B4GALNT2: variants seen among roughly 807,000 people sequenced by gnomAD.
B4GALNT2 encodes N-acetylneuraminylgalactosylglucosyl-glucoside beta-1,4-N- acetylgalactosaminyltransferase 2.
Under a neutral mutation model 51.1 loss-of-function variants are expected in B4GALNT2, and 42 were observed. The ratio of observed to expected loss-of-function variants is 0.82; its 90% CI spans 0.64 to 1.06. The LOEUF (loss-of-function observed/expected upper bound fraction) is 1.06, where lower values mean the gene tolerates loss of function less well. Ranked by LOEUF, B4GALNT2 falls within the 50% of genes least tolerant of loss-of-function variation. B4GALNT2 has a pLI of 0.00. For missense variants in B4GALNT2, 602 were observed against 633.6 expected (o/e 0.95, Z 0.54); for synonymous variants, 253 against 251.7 (o/e 1.01, Z -0.05).
At chr17:49,125,836 G>C in the B4GALNT2 span, among the ~76,000 whole-genome samples, 1 of 131,646 alleles carries the variant, frequency 7.6e-6, no homozygotes, top group South Asian at 2.4e-4. Context: ...GAAGTGAGGA[G>C]CCCCTCTGCC....
At chr17:49,153,408 C>T (rs1233818281) in intron 4 of B4GALNT2, among the ~76,000 whole-genome samples, 1 of 152,114 alleles carries the variant, frequency 6.6e-6, no homozygotes, top group Non-Finnish European at 1.5e-5. Context: ...AAGTGAGATC[C>T]TGTCTCAAAA....
chr17:49,148,567 C>T, intron 3 of B4GALNT2: 1 of 422,934 alleles, frequency 2.4e-6, no homozygotes, highest in Non-Finnish European at 4.6e-6. Context: ...TGGAGGTCAT[C>T]ATGGAGATAC....
chr17:49,135,809 A>T (rs1403367298), intron 1 of B4GALNT2, among the ~76,000 whole-genome samples: 1 of 151,552 alleles, frequency 6.6e-6, no homozygotes, highest in African/African-American at 2.4e-5. Flanking sequence ...CACGCCTGTA[A>T]TCCCAGCATT....
At chr17:49,126,331 T>C in the B4GALNT2 span, among the ~76,000 whole-genome samples, 1 of 151,956 alleles carries the variant, frequency 6.6e-6, no homozygotes, top group Non-Finnish European at 1.5e-5. Flanking sequence ...CACCACTCCC[T>C]AATCTCAAGT....
chr17:49,166,061 G>T (rs2042908090), intron 8 of B4GALNT2, 53 bp from the exon 9 acceptor site: 4 of 1,572,878 alleles, frequency 2.5e-6, no homozygotes, highest in Non-Finnish European at 8.7e-7. Flanking sequence ...CTCCCCAGGT[G>T]ATTCTAATAT....
At chr17:49,136,735 C>T (rs1230051111) in intron 1 of B4GALNT2, among the ~76,000 whole-genome samples, 4 of 151,764 alleles carry the variant, frequency 2.6e-5, no homozygotes, top group Non-Finnish European at 5.9e-5. Flanking sequence ...TTAGTGGAGA[C>T]GGGGTTTCAC....
intron 4 of B4GALNT2, among the ~76,000 whole-genome samples, chr17:49,155,061 C>T (rs2042795258): frequency 6.6e-6 from 1 of 151,776 alleles, no homozygotes; most frequent in South Asian, 2.1e-4. Flanking sequence ...TGTAATCCCA[C>T]CACTTTGGGG....
intron 5 of B4GALNT2, 92 bp downstream of exon 5, chr17:49,156,695 C>A: frequency 7.0e-7 from 1 of 1,428,692 alleles, no homozygotes; most frequent in Non-Finnish European, 9.7e-7. Context: ...GAGCCCCTGT[C>A]CAGATTCAAG....
intron 1 of B4GALNT2, among the ~76,000 whole-genome samples, chr17:49,133,419 G>A (rs1022068702): frequency 6.6e-6 from 1 of 152,198 alleles, no homozygotes; most frequent in Non-Finnish European, 1.5e-5. Flanking sequence ...AATTAACGGG[G>A]TAAAGTACAT....
At chr17:49,157,609 T>G (rs771998725) in intron 5 of B4GALNT2, among the ~76,000 whole-genome samples, 3 of 152,144 alleles carry the variant, frequency 2.0e-5, no homozygotes, top group Non-Finnish European at 4.4e-5. Context: ...TGAGCCACCG[T>G]GTCTGGCCCC....
At chr17:49,158,781 C>A (rs964550242) in intron 5 of B4GALNT2, among the ~76,000 whole-genome samples, 2 of 151,852 alleles carry the variant, frequency 1.3e-5, no homozygotes, top group African/African-American at 4.8e-5. Flanking sequence ...CGGAACCCTG[C>A]GAGCTGAGAG....
intron 3 of B4GALNT2, 78 bp downstream of exon 3, chr17:49,142,250 A>T (rs554531643): frequency 1.3e-6 from 2 of 1,561,454 alleles, no homozygotes; most frequent in Non-Finnish European, 1.7e-6. Context: ...GTGAATCTTA[A>T]GAGAAAAAGC....
At chr17:49,147,054 A>G (rs767859323) in intron 3 of B4GALNT2, among the ~76,000 whole-genome samples, 2 of 152,210 alleles carry the variant, frequency 1.3e-5, no homozygotes, top group Non-Finnish European at 2.9e-5. Flanking sequence ...TAATCTGGCA[A>G]AATTGCATTT....
At chr17:49,130,271 T>A (rs2042530622), upstream of B4GALNT2, among the ~76,000 whole-genome samples, 1 of 152,226 alleles carries the variant, frequency 6.6e-6, no homozygotes, top group South Asian at 2.1e-4. Flanking sequence ...ATAGAGCTGG[T>A]GTGGGGAAAA....
At position 49,171,332 on chromosome 17, in the gene B4GALNT2, G is replaced by A. The variant is rs953939801; in HGVS notation, c.*1604G>A. Reference sequence around the variant, plus strand: ...CAAGTGTCTTTATCCACTTTAATGGGTTAATATCTGCTAATCTGTCTGCAG... The same window carrying A: ...CAAGTGTCTTTATCCACTTTAATGGATTAATATCTGCTAATCTGTCTGCAG... On this transcript the variant is annotated 3_prime_UTR_variant, in exon 11 of 11. Coordinates refer to ENST00000393354, the MANE Select transcript of B4GALNT2 (RefSeq NM_001159387.2). The A allele has an allele frequency of 4.9e-6, 2 of 405,780 alleles. No homozygotes were observed. The highest frequency in any genetic ancestry group is 9.4e-6 in the Non-Finnish European group (2 of 212,918). The allele number at this position is 405,780 out of a possible 1,614,324, so 25.1% of individuals were successfully genotyped here.
In B4GALNT2 at chr17:49,133,841, A is replaced by G. The variant is rs143369992; in HGVS notation, c.14+1035A>G. 3.7e-3 allele frequency among the ~76,000 whole-genome samples: 564 copies of G among 152,272 alleles called. 2 individuals are homozygous for G. The highest frequency in any genetic ancestry group is 0.013 in the African/African-American group (532 of 41,540). Reference sequence around the variant, plus strand: ...AGCAGGAGAATGACTTGAACCTGGAAGCAGAGGTTGCAGTGAGCCGAGATT... The same window carrying G: ...AGCAGGAGAATGACTTGAACCTGGAGGCAGAGGTTGCAGTGAGCCGAGATT... On this transcript the variant is annotated intron_variant, in intron 1 of 10. Coordinates refer to ENST00000393354, the MANE Select transcript of B4GALNT2 (RefSeq NM_001159387.2).
intron 9 of B4GALNT2, 134 bp from the exon 10 acceptor site, chr17:49,168,547 G>A (rs1192369005): frequency 1.1e-6 from 1 of 907,512 alleles, no homozygotes; most frequent in Non-Finnish European, 1.7e-6. Context: ...GAGTAACTGA[G>A]GGATAATTTG....
upstream of B4GALNT2, among the ~76,000 whole-genome samples, chr17:49,132,185 G>A (rs2042544976): frequency 1.3e-5 from 2 of 152,096 alleles, no homozygotes; most frequent in Admixed American, 6.5e-5. Context: ...ATAATCATGC[G>A]TGAGAGGAGC....
intron 1 of B4GALNT2, among the ~76,000 whole-genome samples, chr17:49,136,265 ATTCT>A (rs1228473513): frequency 2.6e-5 from 4 of 151,838 alleles, no homozygotes; most frequent in African/African-American, 9.7e-5. Flanking sequence ...AATTTGCTTA[ATTCT>A]TTATTTGTTC....
Sources: gnomAD v4.1 joint callset for allele counts (sites outside exome capture counted in the v4.1 genomes callset) on GRCh38, gnomAD v4.1.1 for gene constraint, MANE v1.5 for transcripts, NCBI Gene and HGNC (gene_info 2026-07-23, HGNC 2026-07-21) for gene names.